The following ICA1 variants were observed in gnomAD, a reference collection of about 807,000 sequenced individuals.
ICA1 encodes 69 kDa islet cell autoantigen.
A neutral mutation model predicts 71.0 loss-of-function variants in ICA1; 40 were observed. That is an observed-to-expected ratio of 0.56 (90% CI 0.44 to 0.73). The LOEUF is 0.73. Ranked by LOEUF, ICA1 falls within the 30% of genes least tolerant of loss-of-function variation. The probability of loss-of-function intolerance (pLI) is 0.00; values close to 1 mark genes in which losing one functional copy is unlikely to be tolerated. For synonymous variants in ICA1, 207 were observed against 209.5 expected, an observed-to-expected ratio of 0.99 and a Z score of 0.10; for missense variants, 578 against 576.5, an observed-to-expected ratio of 1.00 and a Z score of -0.03.
intron 13 of ICA1, among the ~76,000 whole-genome samples, chr7:8,115,349 G>A (rs1454607515): frequency 1.3e-5 from 2 of 152,156 alleles, no homozygotes; most frequent in Non-Finnish European, 2.9e-5. Flanking sequence ...CTTAGTTGGA[G>A]GGGGAGTGGG....
intron 6 of ICA1, among the ~76,000 whole-genome samples, chr7:8,201,512 C>T (rs3823828): frequency 0.48 from 73,666 of 151,956 alleles, 21,936 homozygotes; most frequent in South Asian, 0.75. Context: ...AGGGAAAAAC[C>T]AAAGGCAGAA....
rs1789984650 is a variant in ICA1 at position 8,128,068 on chromosome 7, T to C, written c.1135A>G (p.Ile379Val). The part of the protein sequence containing the change: ...DKDDLLLLSE[I>V]FNASSLEEGE... The stretch of plus-strand genomic sequence containing the variant: ...TCTTCCAAGGAGGAAGCATTGAAGA[T>C]CTCACTCAACAGCAGCAGGTCATCT... The change falls in exon 13 of 14, where the codon ATC becomes GTC. Residue 379 changes from isoleucine (I) to valine (V), a missense_variant. Coordinates refer to ENST00000402384, the MANE Select transcript of ICA1 (RefSeq NM_001136020.3). 1.2e-6 allele frequency: 2 copies of C among 1,614,178 alleles called. No homozygotes were observed. Among genetic ancestry groups the C allele is most frequent in the Non-Finnish European group, 1.7e-6 (2 of 1,180,040 alleles).
intron 6 of ICA1, among the ~76,000 whole-genome samples, chr7:8,175,896 G>C (rs923773092): frequency 3.3e-5 from 5 of 152,192 alleles, no homozygotes; most frequent in Admixed American, 3.3e-4. Context: ...TTCCAAGGAA[G>C]AGAGCTGTGA....
intron 13 of ICA1, 39 bp from the exon 14 acceptor site, chr7:8,114,083 C>T (rs1584066327): frequency 6.2e-7 from 1 of 1,613,184 alleles, no homozygotes; most frequent in East Asian, 2.2e-5. Flanking sequence ...ACGCACCTTC[C>T]AAATGTCCAC....
At chr7:8,242,741 C>T (rs147885375) in intron 1 of ICA1, among the ~76,000 whole-genome samples, 19 of 152,002 alleles carry the variant, frequency 1.2e-4, no homozygotes, top group Admixed American at 2.6e-4. Flanking sequence ...ATATCACCAC[C>T]GATCCCACAG....
At chr7:8,145,051 C>T (rs1350445129) in intron 8 of ICA1, among the ~76,000 whole-genome samples, 1 of 152,136 alleles carries the variant, frequency 6.6e-6, no homozygotes, top group African/African-American at 2.4e-5. Flanking sequence ...CCATGGACAC[C>T]AGATGGATAC....
At chr7:8,140,052 A>C (rs1794692895) in intron 10 of ICA1, among the ~76,000 whole-genome samples, 1 of 152,224 alleles carries the variant, frequency 6.6e-6, no homozygotes, top group South Asian at 2.1e-4. Flanking sequence ...AAGGAACGAG[A>C]GAAAATTTGA....
chr7:8,230,208 G>A (rs1175603723), intron 3 of ICA1, among the ~76,000 whole-genome samples: 1 of 152,202 alleles, frequency 6.6e-6, no homozygotes, highest in Non-Finnish European at 1.5e-5. Context: ...CTGTTTTTCA[G>A]AAAAGGATTT....
intron 13 of ICA1, among the ~76,000 whole-genome samples, chr7:8,126,758 G>A (rs1317834631): frequency 6.6e-6 from 1 of 152,090 alleles, no homozygotes; most frequent in Non-Finnish European, 1.5e-5. Flanking sequence ...AGTGATTCCT[G>A]TTTTACAATT....
At chr7:8,252,139 TTTTA>T (rs1808412916) in intron 1 of ICA1, among the ~76,000 whole-genome samples, 2 of 152,338 alleles carry the variant, frequency 1.3e-5, no homozygotes, top group South Asian at 4.1e-4. Flanking sequence ...TCACCTTTGA[TTTTA>T]TTTAGTTTGG....
rs144104189 is a variant in ICA1 at position 8,247,520 on chromosome 7, T to C, written c.-79-11515A>G. ...GCCATTTTGAACAAGCTGGACAGCT[T>C]GGCCATAAGACATGCATAGTAGTTT... On this transcript the variant is annotated intron_variant, in intron 1 of 13. Transcript: ENST00000402384. Among the ~76,000 whole-genome samples, 95 of 152,290 alleles carry C rather than the reference T, an allele frequency of 6.2e-4. 1 individual carries two copies. Among genetic ancestry groups the C allele is most frequent in the African/African-American group, 2.0e-3 (85 of 41,568 alleles).
intron 6 of ICA1, among the ~76,000 whole-genome samples, chr7:8,202,683 T>A (rs1790135100): frequency 6.6e-6 from 1 of 152,212 alleles, no homozygotes; most frequent in African/African-American, 2.4e-5. Context: ...CTCAGCTTAG[T>A]AAACATCTTG....
At chr7:8,184,200 T>A (rs748896995) in intron 6 of ICA1, among the ~76,000 whole-genome samples, 16 of 152,234 alleles carry the variant, frequency 1.1e-4, no homozygotes, top group Admixed American at 3.3e-4. Flanking sequence ...AGAAAAGTGC[T>A]CAGGTGCATT....
intron 6 of ICA1, among the ~76,000 whole-genome samples, chr7:8,180,939 CCTTAT>C (rs922225082): frequency 6.6e-6 from 1 of 150,994 alleles, no homozygotes; most frequent in Non-Finnish European, 1.5e-5. Context: ...TGCAGTTTGT[CCTTAT>C]CTTTTCTAAA....
At chr7:8,184,356 C>G (rs1354537310) in intron 6 of ICA1, among the ~76,000 whole-genome samples, 1 of 152,194 alleles carries the variant, frequency 6.6e-6, no homozygotes, top group African/African-American at 2.4e-5. Context: ...TGCACACTGC[C>G]TTTTGCTCCA....
intron 6 of ICA1, among the ~76,000 whole-genome samples, chr7:8,159,496 G>C (rs1358173754): frequency 6.6e-6 from 1 of 152,178 alleles, no homozygotes; most frequent in Non-Finnish European, 1.5e-5. Context: ...TGGATCACTT[G>C]ATCTCAGGAG....
intron 1 of ICA1, among the ~76,000 whole-genome samples, chr7:8,239,330 A>T (rs899122421): frequency 1.3e-5 from 2 of 152,244 alleles, no homozygotes; most frequent in Non-Finnish European, 2.9e-5. Context: ...AGTTTGGTTT[A>T]TCAGACATAA....
At chr7:8,120,966 C>G (rs1584178447) in intron 13 of ICA1, among the ~76,000 whole-genome samples, 1 of 152,188 alleles carries the variant, frequency 6.6e-6, no homozygotes, top group South Asian at 2.1e-4. Context: ...AACACCACAA[C>G]CACGTGGCCA....
intron 8 of ICA1, among the ~76,000 whole-genome samples, chr7:8,152,576 C>T (rs1156537754): frequency 4.9e-4 from 56 of 115,422 alleles, no homozygotes; most frequent in African/African-American, 1.4e-3. Context: ...CCACCACCAC[C>T]ATCTCCTTCA....
Sources: allele counts gnomAD v4.1 joint callset (sites outside exome capture counted in the v4.1 genomes callset), GRCh38; gene constraint gnomAD v4.1.1; transcripts MANE v1.5; gene names NCBI Gene and HGNC (gene_info 2026-07-23, HGNC 2026-07-21).